Variants in TRIM25 observed in about 807,000 individuals in gnomAD.
The protein encoded by TRIM25 is tripartite motif containing 25, also known as E3 ubiquitin/ISG15 ligase TRIM25.
In TRIM25, 45 loss-of-function variants were observed where a neutral mutation model predicts 65.2. That is an observed-to-expected ratio of 0.69 (90% CI 0.54 to 0.89). The LOEUF is 0.89. Ranked by LOEUF, TRIM25 falls within the 40% of genes least tolerant of loss-of-function variation. The pLI, the probability that TRIM25 is intolerant of heterozygous loss-of-function variation, is 0.00. For synonymous variants in TRIM25, 321 were observed against 340.4 expected (o/e 0.94, Z 0.63); for missense variants, 714 against 803.7 (o/e 0.89, Z 1.35).
Position 56,913,440 on chromosome 17 carries a change from A to G in TRIM25, c.549T>C (p.His183=). The change falls in exon 1 of 9, where the codon CAT becomes CAC. Residue 183 remains histidine, a synonymous_variant. Coordinates refer to ENST00000316881, the MANE Select transcript of TRIM25 (RefSeq NM_005082.5). This position sits in a 1 kb window ranked among gnomAD's most constrained non-coding sequence, Gnocchi z 6.1. ...ECICHICLVE[H]KTCSPASLSQ... is the part of the protein sequence containing the mutation. ...TCAGGGACGCGGGAGAGCAGGTCTT[A>G]TGCTCCACCAGGCAGATGTGGCAGA... is the stretch of plus-strand genomic sequence containing the variant. The G allele has an allele frequency of 6.2e-7, 1 of 1,604,640 alleles. No individual in the cohort carries two copies. Among genetic ancestry groups the G allele is most frequent in the Middle Eastern group, 1.7e-4 (1 of 6,022 alleles).
chr17:56,900,244 G>T (rs73311818), intron 4 of TRIM25, among the ~76,000 whole-genome samples: 1 of 151,862 alleles, frequency 6.6e-6, no homozygotes, highest in African/African-American at 2.4e-5. Flanking sequence ...TTAATTAGCC[G>T]GGCATGATGG....
chr17:56,904,239 C>A lies in TRIM25; in HGVS notation c.927+16G>T. The A allele has an allele frequency of 1.3e-6, 2 of 1,569,804 alleles. No homozygotes were observed. Among genetic ancestry groups the A allele is most frequent in the South Asian group, 1.1e-5 (1 of 88,878 alleles). ...AAAAAAAAAAAAACATTCAACAATG[C>A]CTTGTGGCGACCTACCTCCAGAAAC... On this transcript the variant is annotated intron_variant, in intron 3 of 8. Transcript: ENST00000316881.
At chr17:56,908,681 G>A in intron 1 of TRIM25, 118 bp from the exon 2 acceptor site, 1 of 969,284 alleles carries the variant, frequency 1.0e-6, no homozygotes, top group Non-Finnish European at 1.6e-6. Context: ...CCCAAGTCTT[G>A]CCACCCCAAG....
chr17:56,892,153 A>G lies in TRIM25; in HGVS notation c.1440T>C (p.Ser480=), dbSNP rs778909442. Residue 480 remains serine (S), a synonymous_variant, in exon 9 of 9, where the codon TCT becomes TCC. Coordinates refer to ENST00000316881, the MANE Select transcript of TRIM25 (RefSeq NM_005082.5). The part of the protein sequence containing the change: ...VALSECYTVA[S]VAEMPQNYRP... ...GGTAGTTCTGAGGCATCTCAGCCACAGAAGCTACTGTATAGCACTCTGACA... is the reference window on the plus strand; with the variant it reads ...GGTAGTTCTGAGGCATCTCAGCCACGGAAGCTACTGTATAGCACTCTGACA... 6.2e-7 allele frequency: 1 copy of G among 1,614,200 alleles called. No individual in the cohort carries two copies. The highest frequency in any genetic ancestry group is 8.5e-7 in the Non-Finnish European group (1 of 1,180,036).
intron 8 of TRIM25, 69 bp from the exon 9 acceptor site, chr17:56,892,298 G>A: frequency 2.0e-6 from 3 of 1,499,290 alleles, no homozygotes; most frequent in Non-Finnish European, 2.7e-6. Context: ...CTTTGCCAAA[G>A]TGGTACTATT....
intron 3 of TRIM25, 26 bp downstream of exon 3, chr17:56,904,229 T>A: frequency 1.7e-5 from 24 of 1,402,892 alleles, no homozygotes; most frequent in Non-Finnish European, 2.3e-5. Context: ...AAAAAAAACA[T>A]TCAACAATGC....
chr17:56,903,534 G>T (rs1217098721), intron 3 of TRIM25, among the ~76,000 whole-genome samples: 1 of 152,178 alleles, frequency 6.6e-6, no homozygotes, highest in Non-Finnish European at 1.5e-5. Context: ...TGAGTGGCAG[G>T]CAACGTTCTA....
chr17:56,909,205 G>T (rs1251007540), intron 1 of TRIM25, among the ~76,000 whole-genome samples: 3 of 151,876 alleles, frequency 2.0e-5, no homozygotes, highest in African/African-American at 7.3e-5. Context: ...GGATTAAGAA[G>T]TCAAGGTCCA....
intron 8 of TRIM25, among the ~76,000 whole-genome samples, chr17:56,894,873 A>G (rs1909254210): frequency 6.6e-6 from 1 of 152,210 alleles, no homozygotes; most frequent in African/African-American, 2.4e-5. Context: ...CCCCTTCTAC[A>G]GTGTCTGTCT....
Position 56,904,789 on chromosome 17 carries a change from T to G in TRIM25, c.694-301A>C, listed in dbSNP as rs532553060. Among the ~76,000 whole-genome samples, 47 of 152,326 alleles carry G rather than the reference T, an allele frequency of 3.1e-4. 1 individual carries two copies. The South Asian group carries it at 6.8e-3, about 22-fold the overall frequency. On this transcript the variant is annotated intron_variant, in intron 2 of 8. Coordinates refer to ENST00000316881, the MANE Select transcript of TRIM25 (RefSeq NM_005082.5). ...AAGTAGCAAAAACCTGGAATCAACC[T>G]GAACATCCATCAGAAGAAGACTTGA...
In TRIM25 at chr17:56,913,992, G is replaced by C. The variant is rs1184688518; in HGVS notation, c.-4C>G. 4 of 1,541,154 alleles carry C rather than the reference G, an allele frequency of 2.6e-6. No individual in the cohort carries two copies. Among genetic ancestry groups the C allele is most frequent in the Non-Finnish European group, 3.5e-6 (4 of 1,141,452 alleles). ...CCAGGGGGCACAGCTCTGCCATGGC[G>C]CTCCCAGGGGTCGGGACACAACTGC... On this transcript the variant is annotated 5_prime_UTR_variant, in exon 1 of 9. Transcript: ENST00000316881. The surrounding 1 kb of genome is among the most constrained non-coding windows in gnomAD (Gnocchi z 6.1).
At chr17:56,909,852 C>T (rs1249831255) in intron 1 of TRIM25, among the ~76,000 whole-genome samples, 1 of 152,164 alleles carries the variant, frequency 6.6e-6, no homozygotes, top group South Asian at 2.1e-4. Flanking sequence ...TCTCCTACCT[C>T]CCTGCTCAGA....
rs749361520 is a variant in TRIM25 at position 56,913,788 on chromosome 17, C to A, written c.201G>T (p.Thr67=). The stretch of plus-strand genomic sequence containing the variant: ...ACTGCTCCACCACGTTGCACAGCAC[C>A]GTGTTCTTGTGCAGCTGCGGTCGCG... ...YQARPQLHKN[T]VLCNVVEQFL... The change falls in exon 1 of 9, where the codon ACG becomes ACT. Residue 67 remains threonine (T), a synonymous_variant. Coordinates refer to ENST00000316881, the MANE Select transcript of TRIM25 (RefSeq NM_005082.5). The surrounding 1 kb of genome is among the most constrained non-coding windows in gnomAD (Gnocchi z 6.1). The A allele has an allele frequency of 1.3e-6, 2 of 1,560,128 alleles. No individual in the cohort carries two copies. The highest frequency in any genetic ancestry group is 1.4e-5 in the African/African-American group (1 of 73,754).
Position 56,891,784 on chromosome 17 carries a change from G to A in TRIM25, c.1809C>T (p.Phe603=). ...ACAAAGCCTCAGTAAAGTCCACCCT[G>A]AACTTATACATCAGGTGGACCTTGT... is the stretch of plus-strand genomic sequence containing the variant. ...VADKVHLMYK[F]RVDFTEALYP... Residue 603 remains phenylalanine (F), a synonymous_variant, in exon 9 of 9, where the codon TTC becomes TTT. Coordinates refer to ENST00000316881, the MANE Select transcript of TRIM25 (RefSeq NM_005082.5). 1 of 1,614,220 alleles carries A rather than the reference G, an allele frequency of 6.2e-7. No individual in the cohort carries two copies.
chr17:56,894,445 T>G (rs1909245216), intron 8 of TRIM25, among the ~76,000 whole-genome samples: 1 of 152,202 alleles, frequency 6.6e-6, no homozygotes, highest in Non-Finnish European at 1.5e-5. Flanking sequence ...AGATGGGGTT[T>G]TGCCATGTTG....
intron 2 of TRIM25, among the ~76,000 whole-genome samples, chr17:56,905,830 C>T (rs998443042): frequency 1.3e-5 from 2 of 151,790 alleles, no homozygotes; most frequent in Admixed American, 1.3e-4. Flanking sequence ...GGACTGTATT[C>T]CTGGAGAGTG....
Position 56,895,388 on chromosome 17 carries a change from C to T in TRIM25, c.1318G>A (p.Val440Met). ...HPNSTSLKAK[V>M]LETFLAKSRP... Reference sequence around the variant, plus strand: ...GACTTGGCCAGGAAGGTCTCCAGCACCTTGGCCTTGAGAGATGTTGAGTTC... The same window carrying T: ...GACTTGGCCAGGAAGGTCTCCAGCATCTTGGCCTTGAGAGATGTTGAGTTC... Residue 440 changes from valine to methionine, a missense_variant, in exon 8 of 9, where the codon GTG (valine) becomes ATG (methionine). Val to Met is a conservative substitution (Grantham distance 21). Coordinates refer to ENST00000316881, the MANE Select transcript of TRIM25 (RefSeq NM_005082.5). The T allele has an allele frequency of 1.2e-6, 2 of 1,614,142 alleles. No homozygotes were observed. The highest frequency in any genetic ancestry group is 1.7e-6 in the Non-Finnish European group (2 of 1,180,036).
In TRIM25 at chr17:56,891,798, G is replaced by A. The variant is rs746945977; in HGVS notation, c.1795C>T (p.Leu599=). ...IFFAVADKVH[L]MYKFRVDFTE... ...AAGTCCACCCTGAACTTATACATCA[G>A]GTGGACCTTGTCGGCAACAGCGAAG... The change falls in exon 9 of 9, where the codon CTG becomes TTG. Residue 599 remains leucine, a synonymous_variant. Transcript: ENST00000316881. The A allele has an allele frequency of 2.0e-5, 33 of 1,614,106 alleles. No individual in the cohort carries two copies. The highest frequency in any genetic ancestry group is 1.4e-4 in the South Asian group (13 of 91,092).
rs1226458297 is a variant in TRIM25 at position 56,889,803 on chromosome 17, T to C, written c.*1897A>G. ...CAAGGCTTTCGTTTCAGAAAATCAA[T>C]GAAGATGCTTTTGATCATCTTCAAA... is the stretch of plus-strand genomic sequence containing the variant. On this transcript the variant is annotated 3_prime_UTR_variant, in exon 9 of 9. Transcript: ENST00000316881. 1 of 398,502 alleles carries C rather than the reference T, an allele frequency of 2.5e-6. No individual in the cohort carries two copies. Among genetic ancestry groups the C allele is most frequent in the African/African-American group, 2.1e-5 (1 of 48,636 alleles). The allele number at this position is 398,502 out of a possible 1,614,324, so 24.7% of individuals were successfully genotyped here.
Sources: gnomAD v4.1 joint callset for allele counts (sites outside exome capture counted in the v4.1 genomes callset) on GRCh38, gnomAD v4.1.1 for gene constraint, Gnocchi (gnomAD v3.1) non-coding constraint, MANE v1.5 for transcripts, NCBI Gene and HGNC (gene_info 2026-07-23, HGNC 2026-07-21) for gene names.